FAM107B: variants seen among roughly 807,000 people sequenced by gnomAD.
FAM107B encodes family with sequence similarity 107 member B, also known as protein FAM107B.
A neutral mutation model predicts 31.5 loss-of-function variants in FAM107B; 21 were observed. That is an observed-to-expected ratio of 0.67 (90% CI 0.47 to 0.96). The LOEUF (loss-of-function observed/expected upper bound fraction) is 0.96. Among genes scored for constraint, FAM107B ranks in the 40% least tolerant of loss-of-function variants. The probability of loss-of-function intolerance (pLI) is 0.00; values close to 1 mark genes in which losing one functional copy is unlikely to be tolerated. For synonymous variants in FAM107B, 157 were observed against 141.5 expected (o/e 1.11, Z -0.78); for missense variants, 452 against 377.1 (o/e 1.20, Z -1.64).
chr10:14,748,903 C>T (rs1448068194), intron 1 of FAM107B, among the ~76,000 whole-genome samples: 1 of 152,234 alleles, frequency 6.6e-6, no homozygotes, highest in Non-Finnish European at 1.5e-5. Flanking sequence ...TGAGCAACCC[C>T]CAGAGGGACC....
chr10:14,565,465 G>A (rs17155480), intron 2 of FAM107B, among the ~76,000 whole-genome samples: 28,164 of 152,060 alleles, frequency 0.19, 2,845 homozygotes, highest in East Asian at 0.42. Context: ...CAGACTCCCC[G>A]GGGAAAGAAT....
At chr10:14,665,155 T>C (rs1854373763) in intron 2 of FAM107B, among the ~76,000 whole-genome samples, 1 of 152,250 alleles carries the variant, frequency 6.6e-6, no homozygotes, top group African/African-American at 2.4e-5. Flanking sequence ...TGTAAAACCA[T>C]ACCTGCTGAT....
chr10:14,754,218 C>T (rs200541418), intron 1 of FAM107B, among the ~76,000 whole-genome samples: 1 of 152,164 alleles, frequency 6.6e-6, no homozygotes, highest in African/African-American at 2.4e-5. Context: ...GGATTACAGG[C>T]GTGAGCCACC....
chr10:14,541,285 C>T (rs935906205), intron 2 of FAM107B, among the ~76,000 whole-genome samples: 4 of 152,182 alleles, frequency 2.6e-5, no homozygotes, highest in East Asian at 1.9e-4. Context: ...GCTACCAAGC[C>T]GAGCATCACT....
At chr10:14,728,184 C>T (rs1034222390) in intron 1 of FAM107B, among the ~76,000 whole-genome samples, 2 of 152,192 alleles carry the variant, frequency 1.3e-5, no homozygotes, top group Non-Finnish European at 2.9e-5. Context: ...TCATTATTTG[C>T]ATTTTTAATA....
intron 2 of FAM107B, among the ~76,000 whole-genome samples, chr10:14,636,143 G>A (rs1853492878): frequency 6.6e-6 from 1 of 152,090 alleles, no homozygotes; most frequent in Non-Finnish European, 1.5e-5. Flanking sequence ...CTTCAGGATT[G>A]GCTACCTTCA....
chr10:14,522,077 G>T, intron 3 of FAM107B, 58 bp from the exon 4 acceptor site: 1 of 1,565,330 alleles, frequency 6.4e-7, no homozygotes, highest in South Asian at 1.2e-5. Flanking sequence ...CATTTTTTAT[G>T]AACAGAAATT....
intron 2 of FAM107B, among the ~76,000 whole-genome samples, chr10:14,542,878 G>T (rs1174639396): frequency 6.6e-6 from 1 of 152,204 alleles, no homozygotes; most frequent in Non-Finnish European, 1.5e-5. Context: ...TGTCTGGTGA[G>T]AAATAGATAT....
At chr10:14,667,416 A>G (rs948175161) in intron 2 of FAM107B, among the ~76,000 whole-genome samples, 1 of 152,254 alleles carries the variant, frequency 6.6e-6, no homozygotes, top group Admixed American at 6.5e-5. Flanking sequence ...AATCAATAAA[A>G]GAAAGAAGAC....
intron 3 of FAM107B, among the ~76,000 whole-genome samples, chr10:14,524,231 C>T (rs144053281): frequency 0.01 from 1,535 of 152,004 alleles, 25 homozygotes; most frequent in African/African-American, 0.035. Flanking sequence ...TTAGTAGAGA[C>T]GGGGTTTCAC....
intron 1 of FAM107B, among the ~76,000 whole-genome samples, chr10:14,704,308 T>C: frequency 6.6e-6 from 1 of 151,312 alleles, no homozygotes; most frequent in African/African-American, 2.5e-5. Flanking sequence ...TGTTAGTATG[T>C]ATCAAATAAA....
At chr10:14,521,790 T>C (rs1384221403) in intron 4 of FAM107B, 79 bp downstream of exon 4, 4 of 1,553,022 alleles carry the variant, frequency 2.6e-6, no homozygotes, top group Non-Finnish European at 3.5e-6. Flanking sequence ...GCACGTCTGG[T>C]AAATCCTGCC....
intron 2 of FAM107B, among the ~76,000 whole-genome samples, chr10:14,599,042 CAGCATAATTCAAGTCAGCACTGACA>C (rs1218738718): frequency 6.6e-6 from 1 of 152,188 alleles, no homozygotes; most frequent in Non-Finnish European, 1.5e-5. Flanking sequence ...GGAGATGTTC[CAGCATAATTCAAGTCAGCACTGACA>C]ACAGAAAGGA....
At chr10:14,714,273 G>A (rs1429589418) in intron 1 of FAM107B, among the ~76,000 whole-genome samples, 2 of 152,162 alleles carry the variant, frequency 1.3e-5, no homozygotes, top group African/African-American at 4.8e-5. Context: ...CTGGTAGGAG[G>A]GGGCTGGGTG....
chr10:14,726,258 A>C (rs145499265), intron 1 of FAM107B, among the ~76,000 whole-genome samples: 1 of 152,024 alleles, frequency 6.6e-6, no homozygotes. Context: ...CTCCCAAAGT[A>C]CTGGGATTAC....
At chr10:14,767,020 G>GTGTATATATATATATATATATA (rs1354065285) in intron 1 of FAM107B, among the ~76,000 whole-genome samples, 2 of 30,406 alleles carry the variant, frequency 6.6e-5, no homozygotes, top group African/African-American at 1.7e-4. Context: ...TCCCTGATGT[G>GTGTATATATATATATATATATA]TATGTATATA....
At chr10:14,611,687 T>C (rs1223857925) in intron 2 of FAM107B, among the ~76,000 whole-genome samples, 6 of 151,882 alleles carry the variant, frequency 4.0e-5, no homozygotes, top group Non-Finnish European at 8.8e-5. Context: ...TCATAGTTAT[T>C]TCTGTAGTCC....
At chr10:14,571,252 T>A (rs11592788) in intron 2 of FAM107B, among the ~76,000 whole-genome samples, 24 of 152,020 alleles carry the variant, frequency 1.6e-4, no homozygotes, top group African/African-American at 5.5e-4. Flanking sequence ...ACATAAGGGG[T>A]TCAAATTTCA....
intron 2 of FAM107B, among the ~76,000 whole-genome samples, chr10:14,573,474 C>G (rs551764455): frequency 2.6e-5 from 4 of 151,692 alleles, no homozygotes; most frequent in Admixed American, 6.6e-5. Flanking sequence ...CACCTGTAAT[C>G]CCAGCACTTT....
Sources: allele counts gnomAD v4.1 joint callset (sites outside exome capture counted in the v4.1 genomes callset), GRCh38; gene constraint gnomAD v4.1.1; transcripts MANE v1.5; gene names NCBI Gene and HGNC (gene_info 2026-07-23, HGNC 2026-07-21).